SEMA5A: variants seen among roughly 807,000 people sequenced by gnomAD.
SEMA5A encodes semaphorin 5A, also known as semaphorin-5A.
A neutral mutation model predicts 135.5 loss-of-function variants in SEMA5A; 55 were observed. That is an observed-to-expected ratio of 0.41 (90% CI 0.33 to 0.51). The LOEUF is 0.51. Among genes scored for constraint, SEMA5A ranks in the 20% least tolerant of loss-of-function variants. The probability of loss-of-function intolerance (pLI) is 0.37; values close to 1 mark genes in which losing one functional copy is unlikely to be tolerated. For missense variants in SEMA5A, 1,290 were observed against 1,419.9 expected (o/e 0.91, Z 1.47); for synonymous variants, 580 against 546.5 (o/e 1.06, Z -0.85).
chr5:9,474,834 A>C (rs433755), intron 1 of SEMA5A, among the ~76,000 whole-genome samples: 79,091 of 152,070 alleles, frequency 0.52, 21,096 homozygotes, highest in Non-Finnish European at 0.55. Context: ...CCCTCAAGGG[A>C]CATTGGTTTC....
intron 5 of SEMA5A, among the ~76,000 whole-genome samples, chr5:9,287,900 T>A (rs1382599928): frequency 6.6e-6 from 1 of 152,212 alleles, no homozygotes; most frequent in Non-Finnish European, 1.5e-5. Context: ...AAATAAAATG[T>A]CATCATGTTC....
chr5:9,433,509 T>C (rs57024670), intron 2 of SEMA5A, among the ~76,000 whole-genome samples: 2,255 of 152,164 alleles, frequency 0.015, 55 homozygotes, highest in African/African-American at 0.048. Flanking sequence ...ATGTTGAGTC[T>C]CTATAGCTAA....
At chr5:9,208,971 G>T (rs1450686872) in intron 8 of SEMA5A, among the ~76,000 whole-genome samples, 1 of 152,152 alleles carries the variant, frequency 6.6e-6, no homozygotes, top group Non-Finnish European at 1.5e-5. Flanking sequence ...AGTAGGAGTG[G>T]AAAGACAGTT....
At chr5:9,106,795 GA>G (rs1260007292) in intron 16 of SEMA5A, among the ~76,000 whole-genome samples, 1 of 152,172 alleles carries the variant, frequency 6.6e-6, no homozygotes, top group Admixed American at 6.5e-5. Context: ...ACATCGTAAT[GA>G]AGATTTTTCA....
intron 2 of SEMA5A, among the ~76,000 whole-genome samples, chr5:9,399,295 A>T (rs983518076): frequency 1.6e-4 from 24 of 152,248 alleles, no homozygotes; most frequent in Admixed American, 3.9e-4. Context: ...GTGCTGACAT[A>T]TGCTATAATG....
chr5:9,449,768 T>G (rs1579560152), intron 1 of SEMA5A, among the ~76,000 whole-genome samples: 1 of 152,128 alleles, frequency 6.6e-6, no homozygotes, highest in Non-Finnish European at 1.5e-5. Context: ...ATCTAGAAGA[T>G]ACCACACACA....
chr5:9,501,590 T>G (rs998555158), intron 1 of SEMA5A, among the ~76,000 whole-genome samples: 1 of 152,180 alleles, frequency 6.6e-6, no homozygotes, highest in African/African-American at 2.4e-5. Flanking sequence ...TCCCTTCCCC[T>G]ACTCAAGAGA....
At chr5:9,506,548 G>T (rs1735889726) in intron 1 of SEMA5A, among the ~76,000 whole-genome samples, 1 of 152,140 alleles carries the variant, frequency 6.6e-6, no homozygotes, top group Non-Finnish European at 1.5e-5. Flanking sequence ...CCATGGGGTA[G>T]GGTTGAAAGG....
intron 1 of SEMA5A, among the ~76,000 whole-genome samples, chr5:9,469,372 G>A (rs191566039): frequency 7.4e-4 from 112 of 152,310 alleles, no homozygotes; most frequent in African/African-American, 2.5e-3. Context: ...CTAGATTTTA[G>A]TTATGCGGAA....
At chr5:9,543,691 T>C (rs1399537671) in intron 1 of SEMA5A, among the ~76,000 whole-genome samples, 2 of 152,124 alleles carry the variant, frequency 1.3e-5, no homozygotes, top group Non-Finnish European at 2.9e-5. Context: ...CTTCAATGAG[T>C]ATACAGATGC....
At chr5:9,136,854 C>G (rs1331443760) in intron 12 of SEMA5A, among the ~76,000 whole-genome samples, 1 of 152,256 alleles carries the variant, frequency 6.6e-6, no homozygotes. Context: ...ATCTAACATA[C>G]ATGACAGATG....
chr5:9,461,924 T>C (rs1429124926), intron 1 of SEMA5A, among the ~76,000 whole-genome samples: 3 of 152,210 alleles, frequency 2.0e-5, no homozygotes, highest in African/African-American at 7.2e-5. Flanking sequence ...AATCTCCAAG[T>C]TAGCCTTTCT....
At chr5:9,148,680 C>T (rs1355772924) in intron 12 of SEMA5A, among the ~76,000 whole-genome samples, 1 of 152,058 alleles carries the variant, frequency 6.6e-6, no homozygotes, top group East Asian at 1.9e-4. Flanking sequence ...GAGTACAGTG[C>T]CTTAGTCCTC....
In SEMA5A at chr5:9,385,794, CTTTT is replaced by C. The variant is rs5865830; in HGVS notation, c.-77-5775_-77-5772del. 1.3e-4 allele frequency among the ~76,000 whole-genome samples: 14 copies of C among 109,966 alleles called. No individual in the cohort carries two copies. In the South Asian group the frequency reaches 3.4e-3, roughly 26 times the overall value. 72.1% of individuals were successfully genotyped at this position (109,966 alleles called of 152,430 possible). A position where few individuals can be genotyped will look rare whatever the true frequency, so the allele number is the denominator to read the frequency against. ...TTGCAGGAGAAGGAGTTGGAAAGCG[CTTTT>C]TTTTTTTTTTTTTTTTGAGACAGAG... is the stretch of plus-strand genomic sequence containing the variant. On this transcript the variant is annotated intron_variant, in intron 2 of 22. Coordinates refer to ENST00000382496, the MANE Select transcript of SEMA5A (RefSeq NM_003966.3).
In SEMA5A at chr5:9,036,744, T is replaced by G. The variant is rs1414934759; in HGVS notation, c.*6153A>C. On this transcript the variant is annotated 3_prime_UTR_variant, in exon 23 of 23. Transcript: ENST00000382496. ...AGTTCAAAGAGACATAGGAGAATAATTTTCTTTAAAGTAAATCCAATCAAT... is the reference window on the plus strand; with the variant it reads ...AGTTCAAAGAGACATAGGAGAATAAGTTTCTTTAAAGTAAATCCAATCAAT... 1 of 152,580 alleles carries G rather than the reference T, an allele frequency of 6.6e-6. No homozygotes were observed. The highest frequency in any genetic ancestry group is 1.9e-4 in the East Asian group (1 of 5,186). The allele number at this position is 152,580 out of a possible 1,614,324, so 9.5% of individuals were successfully genotyped here.
chr5:9,380,034 CAAAAG>C lies in SEMA5A; in HGVS notation c.-77-16_-77-12del, dbSNP rs1250919667. On this transcript the variant is annotated splice_polypyrimidine_tract_variant and intron_variant, in intron 2 of 22. Coordinates refer to ENST00000382496, the MANE Select transcript of SEMA5A (RefSeq NM_003966.3). ...ATGTGTGGAAAGTGCCTAAAACACACAAAAGAGAAGAATCAGATGACTGTGAGTTC... is the reference window on the plus strand; with the variant it reads ...ATGTGTGGAAAGTGCCTAAAACACACAGAAGAATCAGATGACTGTGAGTTC... The C allele has an allele frequency of 1.4e-6, 2 of 1,474,918 alleles. No homozygotes were observed. Among genetic ancestry groups the C allele is most frequent in the Non-Finnish European group, 1.8e-6 (2 of 1,103,670 alleles). The allele number at this position is 1,474,918 out of a possible 1,614,324, so 91.4% of individuals were successfully genotyped here. A position where few individuals can be genotyped will look rare whatever the true frequency, so the allele number is the denominator to read the frequency against.
chr5:9,435,697 C>T (rs148460608), intron 2 of SEMA5A, among the ~76,000 whole-genome samples: 79 of 152,296 alleles, frequency 5.2e-4, no homozygotes, highest in African/African-American at 1.8e-3. Context: ...ATCCAGCCCA[C>T]CACCTGTCTT....
intron 13 of SEMA5A, among the ~76,000 whole-genome samples, chr5:9,135,179 CTT>C (rs11297927): frequency 5.7e-4 from 70 of 123,472 alleles, no homozygotes; most frequent in Admixed American, 1.6e-3. Context: ...TTCCGACTTT[CTT>C]TTTTTTTTTT....
intron 16 of SEMA5A, among the ~76,000 whole-genome samples, chr5:9,085,066 T>C (rs2150111356): frequency 1.3e-5 from 2 of 152,246 alleles, no homozygotes; most frequent in Middle Eastern, 3.4e-3. Flanking sequence ...AGGGAGATGA[T>C]TTAGAGTATC....
Sources: allele counts gnomAD v4.1 joint callset (sites outside exome capture counted in the v4.1 genomes callset), GRCh38; gene constraint gnomAD v4.1.1; transcripts MANE v1.5; gene names NCBI Gene and HGNC (gene_info 2026-07-23, HGNC 2026-07-21).